Variants in TAFA1 observed in about 807,000 individuals in gnomAD.
TAFA1 encodes the protein TAFA chemokine like family member 1.
In TAFA1, 4 loss-of-function variants were observed where a neutral mutation model predicts 18.5. That is an observed-to-expected ratio of 0.22 (90% CI 0.11 to 0.49). The LOEUF (loss-of-function observed/expected upper bound fraction) is 0.49, where lower values mean the gene tolerates loss of function less well. Ranked by LOEUF, TAFA1 falls within the 20% of genes least tolerant of loss-of-function variation. The probability of loss-of-function intolerance (pLI) is 0.98; values close to 1 mark genes in which losing one functional copy is unlikely to be tolerated. For synonymous variants in TAFA1, 56 were observed against 55.2 expected (o/e 1.01, Z -0.06); for missense variants, 147 against 169.0 (o/e 0.87, Z 0.72).
intron 2 of TAFA1, among the ~76,000 whole-genome samples, chr3:68,168,926 T>A (rs2066017977): frequency 6.6e-6 from 1 of 152,230 alleles, no homozygotes; most frequent in Non-Finnish European, 1.5e-5. Context: ...TTATAACACA[T>A]CAGCTATCTA....
intron 2 of TAFA1, among the ~76,000 whole-genome samples, chr3:68,130,990 G>T (rs944548793): frequency 1.1e-4 from 16 of 152,146 alleles, no homozygotes; most frequent in African/African-American, 3.4e-4. Context: ...TCAAAGACAA[G>T]CTCCACGAAA....
Position 68,156,097 on chromosome 3 carries a change from C to T in TAFA1, c.118+149353C>T, listed in dbSNP as rs180931379. ...TGACATCTGAGTTCTTTTGAAGAAA[C>T]TAAGTGCAGTGGCAGAATATACTAG... On this transcript the variant is annotated intron_variant, in intron 2 of 4. Coordinates refer to ENST00000478136, the MANE Select transcript of TAFA1 (RefSeq NM_213609.4). Among the ~76,000 whole-genome samples the T allele has an allele frequency of 2.0e-3, 300 of 152,244 alleles. 3 individuals are homozygous for T. The highest frequency in any genetic ancestry group is 4.3e-4 in the Non-Finnish European group (29 of 68,020).
chr3:68,148,460 C>A (rs1332798205), intron 2 of TAFA1, among the ~76,000 whole-genome samples: 1 of 152,188 alleles, frequency 6.6e-6, no homozygotes, highest in Admixed American at 6.5e-5. Context: ...TTTTCATTGT[C>A]TTGTCTTCCA....
chr3:68,029,645 C>T (rs998264502), intron 2 of TAFA1, among the ~76,000 whole-genome samples: 1 of 152,162 alleles, frequency 6.6e-6, no homozygotes, highest in African/African-American at 2.4e-5. Context: ...ATGATGCAAA[C>T]GTAAAGCCCA....
intron 2 of TAFA1, among the ~76,000 whole-genome samples, chr3:68,229,517 GC>G (rs958692725): frequency 2.0e-5 from 3 of 152,136 alleles, no homozygotes; most frequent in African/African-American, 7.2e-5. Context: ...TTTGGAGTGG[GC>G]TTTTTTTTGG....
intron 2 of TAFA1, among the ~76,000 whole-genome samples, chr3:68,175,510 A>T (rs2066112105): frequency 6.6e-6 from 1 of 152,168 alleles, no homozygotes; most frequent in Non-Finnish European, 1.5e-5. Flanking sequence ...AAAGGAGATC[A>T]TTTTGGAGCT....
intron 3 of TAFA1, among the ~76,000 whole-genome samples, chr3:68,459,477 C>T (rs1349575301): frequency 1.8e-5 from 2 of 108,508 alleles, no homozygotes; most frequent in Admixed American, 9.6e-5. Flanking sequence ...TATTTTTGTT[C>T]TGTTTTTTAA....
intron 2 of TAFA1, among the ~76,000 whole-genome samples, chr3:68,308,439 G>A (rs1370965627): frequency 6.6e-6 from 1 of 151,970 alleles, no homozygotes; most frequent in African/African-American, 2.4e-5. Context: ...TCTTGTACAG[G>A]TCTATTACCC....
intron 2 of TAFA1, among the ~76,000 whole-genome samples, chr3:68,008,297 A>G (rs1464946386): frequency 6.6e-6 from 1 of 152,256 alleles, no homozygotes; most frequent in African/African-American, 2.4e-5. Flanking sequence ...TTTACCTCCA[A>G]TCACTTAATC....
At chr3:68,307,785 C>T (rs746737814) in intron 2 of TAFA1, among the ~76,000 whole-genome samples, 17 of 151,832 alleles carry the variant, frequency 1.1e-4, no homozygotes, top group Admixed American at 8.6e-4. Flanking sequence ...GTTCCAAGAA[C>T]TAGAAAGACA....
Position 68,194,161 on chromosome 3 carries a change from C to G in TAFA1, c.118+187417C>G, listed in dbSNP as rs530241380. On this transcript the variant is annotated intron_variant, in intron 2 of 4. Coordinates refer to ENST00000478136, the MANE Select transcript of TAFA1 (RefSeq NM_213609.4). ...AACACAGTCATTTCTGCCCACTGAT[C>G]AAAGCAAGTAGAATGGCCAGCCTCA... Among the ~76,000 whole-genome samples the G allele has an allele frequency of 1.0e-3, 159 of 151,728 alleles. 2 individuals are homozygous for G. In the Middle Eastern group the frequency reaches 0.014, roughly 13 times the overall value.
At chr3:68,116,772 A>G (rs553890378) in intron 2 of TAFA1, among the ~76,000 whole-genome samples, 2 of 152,340 alleles carry the variant, frequency 1.3e-5, no homozygotes, top group Admixed American at 1.3e-4. Flanking sequence ...TCCAAGGCAC[A>G]GAACAAAGGT....
chr3:68,286,760 T>C (rs56206288), intron 2 of TAFA1, among the ~76,000 whole-genome samples: 1 of 152,116 alleles, frequency 6.6e-6, no homozygotes, highest in East Asian at 1.9e-4. Context: ...GTTGTAGTAA[T>C]AGAGAATAAT....
At chr3:68,514,048 C>T (rs2072885976) in intron 3 of TAFA1, among the ~76,000 whole-genome samples, 1 of 152,132 alleles carries the variant, frequency 6.6e-6, no homozygotes, top group Non-Finnish European at 1.5e-5. Flanking sequence ...GCTGTCTTCT[C>T]TGACTTTACA....
At chr3:68,437,775 C>A (rs192284771) in intron 3 of TAFA1, among the ~76,000 whole-genome samples, 8 of 152,174 alleles carry the variant, frequency 5.3e-5, no homozygotes, top group South Asian at 2.1e-4. Context: ...TTGGAGGGTA[C>A]AAATTTTCAA....
chr3:68,007,838 C>G (rs1317456602), intron 2 of TAFA1, among the ~76,000 whole-genome samples: 1 of 152,212 alleles, frequency 6.6e-6, no homozygotes, highest in Non-Finnish European at 1.5e-5. Flanking sequence ...GACACCGATA[C>G]TAGGCTCTTC....
chr3:68,030,577 C>A (rs76105678), intron 2 of TAFA1, among the ~76,000 whole-genome samples: 2 of 152,248 alleles, frequency 1.3e-5, no homozygotes, highest in African/African-American at 4.8e-5. Flanking sequence ...ATCCATGTCC[C>A]TGCAAAGGAC....
chr3:68,255,894 T>A (rs556657537), intron 2 of TAFA1, among the ~76,000 whole-genome samples: 2 of 152,250 alleles, frequency 1.3e-5, no homozygotes, highest in Admixed American at 1.3e-4. Context: ...CAAACACTTT[T>A]AATTAACAGA....
At chr3:68,203,925 G>A (rs1407916009) in intron 2 of TAFA1, among the ~76,000 whole-genome samples, 1 of 150,756 alleles carries the variant, frequency 6.6e-6, no homozygotes, top group Non-Finnish European at 1.5e-5. Context: ...AGTTCCTGGA[G>A]GTTAAAGTCA....
Sources: gnomAD v4.1 joint callset for allele counts (sites outside exome capture counted in the v4.1 genomes callset) on GRCh38, gnomAD v4.1.1 for gene constraint, MANE v1.5 for transcripts, NCBI Gene and HGNC (gene_info 2026-07-23, HGNC 2026-07-21) for gene names.